The following SLC22A24 variants were observed in gnomAD, a reference collection of about 807,000 sequenced individuals.
The protein encoded by SLC22A24 is solute carrier family 22 member 24.
A neutral mutation model predicts 49.8 loss-of-function variants in SLC22A24; 53 were observed. The observed-to-expected ratio is 1.06, with a 90% CI of 0.85 to 1.34. SLC22A24 has a LOEUF of 1.34. Among genes scored for constraint, SLC22A24 ranks in the 40% most tolerant of loss-of-function variants. The pLI, the probability that SLC22A24 is intolerant of heterozygous loss-of-function variation, is 0.00. For synonymous variants in SLC22A24, 302 were observed against 256.4 expected (o/e 1.18, Z -1.70); for missense variants, 786 against 675.9 (o/e 1.16, Z -1.81).
Position 63,081,105 on chromosome 11 carries a change from G to A in SLC22A24, c.1413C>T (p.Ile471=). 6.4e-7 allele frequency: 1 copy of A among 1,551,568 alleles called. No individual in the cohort carries two copies. Among genetic ancestry groups the A allele is most frequent in the South Asian group, 1.2e-5 (1 of 84,056 alleles). Residue 471 remains isoleucine, a synonymous_variant, in exon 9 of 10, where the codon ATC becomes ATT. Coordinates refer to ENST00000612278, the MANE Select transcript of SLC22A24 (RefSeq NM_001136506.2). ...CCCCAGTCCTACCGGACACTGCATT[G>A]ATTCCTGCAACTGTTGACCTTAGAG... ...PTILRSTVAG[I]NAVSGRTGAA... is the part of the protein sequence containing the mutation.
intron 4 of SLC22A24, among the ~76,000 whole-genome samples, chr11:63,108,939 G>A (rs1361117261): frequency 9.8e-5 from 14 of 143,352 alleles, no homozygotes; most frequent in Non-Finnish European, 2.1e-4. Flanking sequence ...CTGGTGTGCT[G>A]CACCCACTAA....
chr11:63,085,691 C>T (rs1435156378), intron 6 of SLC22A24, among the ~76,000 whole-genome samples: 1 of 152,152 alleles, frequency 6.6e-6, no homozygotes, highest in Non-Finnish European at 1.5e-5. Context: ...CCTCTGCAAC[C>T]TTAACACATA....
Position 63,105,300 on chromosome 11 carries a change from C to T in SLC22A24, c.831-1002G>A, listed in dbSNP as rs192268865. The stretch of plus-strand genomic sequence containing the variant: ...GTTCGGGGATCCAGAGGACAGTGGC[C>T]CCCTTCTCACAGCTCCACTCAGCAG... On this transcript the variant is annotated intron_variant, in intron 4 of 9. Coordinates refer to ENST00000612278, the MANE Select transcript of SLC22A24 (RefSeq NM_001136506.2). 2.8e-3 allele frequency among the ~76,000 whole-genome samples: 429 copies of T among 152,158 alleles called. 2 individuals are homozygous for T. The highest frequency in any genetic ancestry group is 9.9e-3 in the African/African-American group (411 of 41,494).
At chr11:63,125,114 TA>T (rs72251308) in intron 2 of SLC22A24, among the ~76,000 whole-genome samples, 21 of 151,256 alleles carry the variant, frequency 1.4e-4, no homozygotes, top group African/African-American at 4.4e-4. Context: ...AATACAAAAA[TA>T]AAAAAAAACA....
intron 1 of SLC22A24, among the ~76,000 whole-genome samples, chr11:63,142,216 T>A (rs1280202808): frequency 1.3e-5 from 2 of 152,180 alleles, no homozygotes; most frequent in Non-Finnish European, 2.9e-5. Flanking sequence ...TCCACTCTTC[T>A]CACCTTGGGG....
intron 6 of SLC22A24, among the ~76,000 whole-genome samples, chr11:63,088,371 A>ACAACATCAACAACATCAACAT (rs1555045481): frequency 6.6e-6 from 1 of 151,016 alleles, no homozygotes; most frequent in Non-Finnish European, 1.5e-5. Context: ...ACAGAAAGCT[A>ACAACATCAACAACATCAACAT]CAACATCAAC....
intron 1 of SLC22A24, among the ~76,000 whole-genome samples, chr11:63,140,077 TTTTTTTTTTTG>T (rs1250506777): frequency 3.4e-5 from 4 of 117,752 alleles, no homozygotes; most frequent in South Asian, 6.4e-4. Flanking sequence ...GTTTTTTTGT[TTTTTTTTTTTG>T]TTTTTTTTTT....
chr11:63,080,085 C>A, intron 9 of SLC22A24, 85 bp from the exon 10 acceptor site: 1 of 876,970 alleles, frequency 1.1e-6, no homozygotes, highest in Non-Finnish European at 1.8e-6. Flanking sequence ...TACTGTGTGC[C>A]TGAGGACAAG....
In SLC22A24 at chr11:63,119,146, A is replaced by G. The variant is rs374540137; in HGVS notation, c.661+35T>C. ...GGTAATTTCAAGGTCAATTCAAGAC[A>G]TGGAGATGATAAAATGCTCAAATTA... On this transcript the variant is annotated intron_variant, in intron 3 of 9. Transcript: ENST00000612278. 3.3e-5 allele frequency: 51 copies of G among 1,529,026 alleles called. No homozygotes were observed. The African/African-American group carries it at 6.2e-4, about 19-fold the overall frequency. 94.7% of individuals were successfully genotyped at this position (1,529,026 alleles called of 1,614,324 possible). A position where few individuals can be genotyped will look rare whatever the true frequency, so the allele number is the denominator to read the frequency against.
intron 1 of SLC22A24, among the ~76,000 whole-genome samples, chr11:63,142,527 G>A (rs771992213): frequency 2.0e-5 from 3 of 152,144 alleles, no homozygotes; most frequent in Non-Finnish European, 4.4e-5. Flanking sequence ...TCCCAAAGCA[G>A]ACCTCCTTCT....
chr11:63,118,716 G>A, intron 4 of SLC22A24, 196 bp downstream of exon 4: 1 of 557,908 alleles, frequency 1.8e-6, no homozygotes, highest in East Asian at 2.9e-5. Flanking sequence ...CTAAAATAAT[G>A]AATGCAAAGT....
chr11:63,133,940 C>T (rs963188546), intron 2 of SLC22A24, among the ~76,000 whole-genome samples: 20 of 152,176 alleles, frequency 1.3e-4, no homozygotes, highest in African/African-American at 4.8e-4. Context: ...CCACCGTGCC[C>T]ACTCCATTCT....
intron 4 of SLC22A24, among the ~76,000 whole-genome samples, chr11:63,110,384 G>C (rs2087154232): frequency 6.6e-6 from 1 of 152,224 alleles, no homozygotes; most frequent in South Asian, 2.1e-4. Flanking sequence ...ATTGTGTGAA[G>C]AAAGTCATTG....
At chr11:63,111,937 A>G (rs2087168517) in intron 4 of SLC22A24, among the ~76,000 whole-genome samples, 1 of 150,976 alleles carries the variant, frequency 6.6e-6, no homozygotes, top group African/African-American at 2.4e-5. Flanking sequence ...TTTAATTGTG[A>G]TGTTAGGGTG....
At chr11:63,122,763 G>A (rs1448730929) in intron 2 of SLC22A24, among the ~76,000 whole-genome samples, 4 of 152,008 alleles carry the variant, frequency 2.6e-5, no homozygotes, top group African/African-American at 9.7e-5. Context: ...TTCGTGATCC[G>A]CTAGCCTCGG....
chr11:63,108,935 T>C (rs12801690), intron 4 of SLC22A24, among the ~76,000 whole-genome samples: 106,875 of 137,188 alleles, frequency 0.78, 42,755 homozygotes, highest in East Asian at 0.89. Context: ...CATGCTGGTG[T>C]GCTGCACCCA....
At chr11:63,087,199 G>A (rs1262170291) in intron 6 of SLC22A24, among the ~76,000 whole-genome samples, 1 of 152,186 alleles carries the variant, frequency 6.6e-6, no homozygotes, top group Non-Finnish European at 1.5e-5. Flanking sequence ...GACCCATGCA[G>A]ATGGTGGGTG....
intron 6 of SLC22A24, among the ~76,000 whole-genome samples, chr11:63,091,002 T>G (rs1274796799): frequency 1.3e-5 from 2 of 152,142 alleles, no homozygotes; most frequent in Non-Finnish European, 2.9e-5. Flanking sequence ...GGAGCTGATT[T>G]TTTGAAAAGA....
Position 63,134,707 on chromosome 11 carries a change from C to A in SLC22A24, c.464G>T (p.Gly155Val), listed in dbSNP as rs752239055. 7.7e-6 allele frequency: 12 copies of A among 1,559,038 alleles called. No individual in the cohort carries two copies. Among genetic ancestry groups the A allele is most frequent in the East Asian group, 4.8e-5 (2 of 41,790 alleles). ...KSMVQSLFMAGSLLGGLIYGH... is the reference protein window; with the variant it reads ...KSMVQSLFMAVSLLGGLIYGH... Reference sequence around the variant, plus strand: ...ATATATTAGACCTCCCAGAAGTGACCCAGCCATAAATAGGGATTGAACCAT... The same window carrying A: ...ATATATTAGACCTCCCAGAAGTGACACAGCCATAAATAGGGATTGAACCAT... The change falls in exon 2 of 10, where the codon GGG becomes GTG. Residue 155 changes from glycine (G) to valine (V), a missense_variant. Gly to Val is a moderately radical substitution (Grantham distance 109). Coordinates refer to ENST00000612278, the MANE Select transcript of SLC22A24 (RefSeq NM_001136506.2).
Sources: gnomAD v4.1 joint callset for allele counts (sites outside exome capture counted in the v4.1 genomes callset) on GRCh38, gnomAD v4.1.1 for gene constraint, MANE v1.5 for transcripts, NCBI Gene and HGNC (gene_info 2026-07-23, HGNC 2026-07-21) for gene names.